The following RCC1 variants were observed in gnomAD, a reference collection of about 807,000 sequenced individuals.
RCC1 encodes the protein regulator of chromosome condensation.
A neutral mutation model predicts 44.4 loss-of-function variants in RCC1; 11 were observed. That is an observed-to-expected ratio of 0.25 (90% CI 0.16 to 0.41). The LOEUF (loss-of-function observed/expected upper bound fraction) is 0.41, where lower values mean the gene tolerates loss of function less well. Among genes scored for constraint, RCC1 ranks in the 10% least tolerant of loss-of-function variants. The pLI is 1.00. For missense variants in RCC1, 386 were observed against 547.1 expected, an observed-to-expected ratio of 0.71 and a Z score of 2.94; for synonymous variants, 213 against 216.5, an observed-to-expected ratio of 0.98 and a Z score of 0.14.
chr1:28,520,636 C>T (rs533134628), intron 4 of RCC1, among the ~76,000 whole-genome samples: 51 of 152,160 alleles, frequency 3.4e-4, no homozygotes, highest in Admixed American at 1.1e-3. Context: ...ACTCTGTAGC[C>T]GACTTATCTG....
chr1:28,524,484 A>G (rs1663515426), intron 4 of RCC1, among the ~76,000 whole-genome samples: 1 of 152,144 alleles, frequency 6.6e-6, no homozygotes, highest in South Asian at 2.1e-4. Flanking sequence ...GCTTGAGTCC[A>G]TGAGTTCGAG....
chr1:28,530,068 G>A (rs1664026771), intron 5 of RCC1, 129 bp downstream of exon 5: 9 of 655,592 alleles, frequency 1.4e-5, no homozygotes, highest in Middle Eastern at 8.5e-4. Context: ...CACCCAGCTG[G>A]AAGGTTTCCT....
At chr1:28,528,191 C>G (rs1663814352) in intron 4 of RCC1, among the ~76,000 whole-genome samples, 1 of 151,810 alleles carries the variant, frequency 6.6e-6, no homozygotes, top group Non-Finnish European at 1.5e-5. Flanking sequence ...CACAGTGGCT[C>G]ACGCCTATAA....
At chr1:28,533,495 G>A (rs572508122) in intron 7 of RCC1, among the ~76,000 whole-genome samples, 8 of 149,668 alleles carry the variant, frequency 5.3e-5, no homozygotes, top group African/African-American at 1.2e-4. Flanking sequence ...AAGTCCGGGC[G>A]CAGTAGCTCA....
chr1:28,508,810 CATT>C lies in RCC1; in HGVS notation c.-228-16_-228-14del, dbSNP rs745415434. On this transcript the variant is annotated splice_polypyrimidine_tract_variant and intron_variant, in intron 2 of 12. Transcript: ENST00000683442. ...GAAGTAGGATCTTCAGGAGTCTAATCATTATTTCTTTTCTTTTAGGAGAGAAGA... is the reference window on the plus strand; with the variant it reads ...GAAGTAGGATCTTCAGGAGTCTAATCATTTCTTTTCTTTTAGGAGAGAAGA... 2.1e-5 allele frequency: 11 copies of C among 517,396 alleles called. No individual in the cohort carries two copies. Among genetic ancestry groups the C allele is most frequent in the South Asian group, 9.8e-5 (7 of 71,428 alleles). The allele number at this position is 517,396 out of a possible 1,614,324, so 32.1% of individuals were successfully genotyped here. A position where few individuals can be genotyped will look rare whatever the true frequency, so the allele number is the denominator to read the frequency against.
chr1:28,529,817 T>C (rs939115231), intron 4 of RCC1, 41 bp from the exon 5 acceptor site: 5 of 1,493,686 alleles, frequency 3.3e-6, no homozygotes, highest in South Asian at 1.1e-5. Context: ...CCCAGGAAAA[T>C]GTTTGCCATT....
chr1:28,508,841 A>AT lies in RCC1; in HGVS notation c.-216dup. Reference sequence around the variant, plus strand: ...TTCTTTTCTTTTAGGAGAGAAGACGATCTGCACTTCGCATTTTGGCATTGA... The same window carrying AT: ...TTCTTTTCTTTTAGGAGAGAAGACGATTCTGCACTTCGCATTTTGGCATTGA... On this transcript the variant is annotated 5_prime_UTR_variant, in exon 3 of 13. Coordinates refer to ENST00000683442, the MANE Select transcript of RCC1 (RefSeq NM_001381865.2). The AT allele has an allele frequency of 1.9e-6, 1 of 517,686 alleles. No homozygotes were observed. Among genetic ancestry groups the AT allele is most frequent in the Non-Finnish European group, 3.9e-6 (1 of 259,394 alleles). The allele number at this position is 517,686 out of a possible 1,614,324, so 32.1% of individuals were successfully genotyped here. A position where few individuals can be genotyped will look rare whatever the true frequency, so the allele number is the denominator to read the frequency against.
intron 6 of RCC1, 38 bp from the exon 7 acceptor site, chr1:28,532,133 G>A: frequency 1.9e-6 from 3 of 1,602,476 alleles, no homozygotes; most frequent in Middle Eastern, 1.7e-4. Context: ...TGGACTGCGA[G>A]GCCAGACGTT....
intron 3 of RCC1, among the ~76,000 whole-genome samples, chr1:28,511,977 T>A (rs1160025296): frequency 4.0e-5 from 1 of 24,878 alleles, no homozygotes; most frequent in African/African-American, 3.8e-4. Flanking sequence ...AGCCTGATCC[T>A]TTTTTTTTTT....
intron 9 of RCC1, 191 bp from the exon 10 acceptor site, chr1:28,535,680 C>T (rs769991037): frequency 5.2e-6 from 4 of 770,262 alleles, no homozygotes; most frequent in East Asian, 2.7e-5. Context: ...AAATGATACC[C>T]GTAATGACTG....
At chr1:28,507,807 A>T (rs1662134424) in intron 1 of RCC1, 1 of 336,650 alleles carries the variant, frequency 3.0e-6, no homozygotes. Flanking sequence ...GGGTTTCACC[A>T]TGTTGGTCAG....
At position 28,529,912 on chromosome 1, in the gene RCC1, G is replaced by A. The variant is rs1356484748; in HGVS notation, c.46G>A (p.Ala16Thr). 3.7e-6 allele frequency: 6 copies of A among 1,614,010 alleles called. No homozygotes were observed. Among genetic ancestry groups the A allele is most frequent in the Non-Finnish European group, 5.1e-6 (6 of 1,179,954 alleles). The stretch of plus-strand genomic sequence containing the variant: ...TAAAAGAAGGTCCCCCCCAGCAGAT[G>A]CCATCCCCAAAAGCAAGAAGGTGAA... ...IAKRRSPPAD[A>T]IPKSKKVKVS... Residue 16 changes from alanine (A) to threonine (T), a missense_variant, in exon 5 of 13, where the codon GCC (alanine) becomes ACC (threonine). Transcript: ENST00000683442.
Position 28,538,092 on chromosome 1 carries a change from C to A in RCC1, c.*85C>A. The A allele has an allele frequency of 7.7e-7, 1 of 1,295,566 alleles. No individual in the cohort carries two copies. Among genetic ancestry groups the A allele is most frequent in the Non-Finnish European group, 1.1e-6 (1 of 931,894 alleles). 80.3% of individuals were successfully genotyped at this position (1,295,566 alleles called of 1,614,324 possible). A position where few individuals can be genotyped will look rare whatever the true frequency, so the allele number is the denominator to read the frequency against. On this transcript the variant is annotated 3_prime_UTR_variant, in exon 13 of 13. Transcript: ENST00000683442. ...AGTGACAGCTGCAGATGGCAGCGGGCCTCTCCCCAGCCCTGAGCACTGTGT... is the reference window on the plus strand; with the variant it reads ...AGTGACAGCTGCAGATGGCAGCGGGACTCTCCCCAGCCCTGAGCACTGTGT...
chr1:28,528,704 G>A (rs1663861865), intron 4 of RCC1, among the ~76,000 whole-genome samples: 1 of 150,748 alleles, frequency 6.6e-6, no homozygotes, highest in Non-Finnish European at 1.5e-5. Context: ...AACAAGTAAT[G>A]ATTATCTATA....
In RCC1 at chr1:28,532,066, C is replaced by T. The variant is rs527663891; in HGVS notation, c.261+76C>T. Reference sequence around the variant, plus strand: ...CTTGGGGCAGGGCTTTTGAACCACGCATGTTCACTGTGGAAATGGAGCTGG... The same window carrying T: ...CTTGGGGCAGGGCTTTTGAACCACGTATGTTCACTGTGGAAATGGAGCTGG... On this transcript the variant is annotated intron_variant, in intron 6 of 12. Coordinates refer to ENST00000683442, the MANE Select transcript of RCC1 (RefSeq NM_001381865.2). The T allele has an allele frequency of 1.7e-5, 26 of 1,560,900 alleles. No homozygotes were observed. In the Middle Eastern group the frequency reaches 5.2e-4, roughly 31 times the overall value.
At chr1:28,519,301 C>T (rs539482144) in intron 4 of RCC1, among the ~76,000 whole-genome samples, 1 of 152,180 alleles carries the variant, frequency 6.6e-6, no homozygotes, top group East Asian at 1.9e-4. Context: ...GGCTGGGTCA[C>T]GAAGCGTCTT....
chr1:28,535,661 G>C, intron 9 of RCC1: 1 of 759,238 alleles, frequency 1.3e-6, no homozygotes. Flanking sequence ...CAGATGGTAA[G>C]TTCCACGTAA....
chr1:28,528,817 A>T (rs1483766649), intron 4 of RCC1, among the ~76,000 whole-genome samples: 3 of 151,084 alleles, frequency 2.0e-5, no homozygotes, highest in Admixed American at 6.6e-5. Flanking sequence ...AAAAAAAAAA[A>T]AAATGGATGA....
intron 3 of RCC1, among the ~76,000 whole-genome samples, chr1:28,514,446 T>C (rs542773356): frequency 3.1e-4 from 36 of 117,364 alleles, no homozygotes; most frequent in African/African-American, 1.3e-3. Context: ...CGAGACTCCG[T>C]CTCAAAAAAA....
Sources: allele counts gnomAD v4.1 joint callset (sites outside exome capture counted in the v4.1 genomes callset), GRCh38; gene constraint gnomAD v4.1.1; transcripts MANE v1.5; gene names NCBI Gene and HGNC (gene_info 2026-07-23, HGNC 2026-07-21).